CEP112: variants seen among roughly 807,000 people sequenced by gnomAD.
CEP112 encodes the protein centrosomal protein of 112 kDa.
CEP112 carries 127 observed loss-of-function variants against 153.0 expected under a neutral mutation model. That is an observed-to-expected ratio of 0.83 (90% CI 0.72 to 0.96). The LOEUF (loss-of-function observed/expected upper bound fraction) is 0.96. Among genes scored for constraint, CEP112 ranks in the 40% least tolerant of loss-of-function variants. The probability of loss-of-function intolerance (pLI) is 0.00; values close to 1 mark genes in which losing one functional copy is unlikely to be tolerated. For missense variants in CEP112, 1,089 were observed against 1,101.2 expected, an observed-to-expected ratio of 0.99 and a Z score of 0.16; for synonymous variants, 358 against 374.4, an observed-to-expected ratio of 0.96 and a Z score of 0.51.
chr17:66,140,213 C>T (rs117824764), intron 4 of CEP112, among the ~76,000 whole-genome samples: 1,951 of 151,960 alleles, frequency 0.013, 22 homozygotes, highest in Admixed American at 0.019. Context: ...AAGAGCATGA[C>T]GAAATTCAAT....
chr17:66,145,923 ATT>A (rs2070897704), intron 4 of CEP112, among the ~76,000 whole-genome samples: 1 of 152,036 alleles, frequency 6.6e-6, no homozygotes, highest in African/African-American at 2.4e-5. Context: ...ATTACATTAT[ATT>A]TCTAAAACTA....
intron 11 of CEP112, among the ~76,000 whole-genome samples, chr17:66,059,850 T>C (rs2066852454): frequency 6.6e-6 from 1 of 152,206 alleles, no homozygotes; most frequent in Admixed American, 6.5e-5. Flanking sequence ...TGCGCTTGTA[T>C]GTTCATTGCC....
chr17:65,636,704 C>T, intron 26 of CEP112: 1 of 165,000 alleles, frequency 6.1e-6, no homozygotes, highest in Non-Finnish European at 1.3e-5. Context: ...CTCCACCTCC[C>T]AGGTTCAAGC....
At chr17:66,057,938 C>T (rs373878917) in intron 11 of CEP112, among the ~76,000 whole-genome samples, 1 of 151,854 alleles carries the variant, frequency 6.6e-6, no homozygotes, top group Admixed American at 6.6e-5. Flanking sequence ...ACAAAAACTA[C>T]AAAAATTAGC....
chr17:66,153,468 C>CAAA (rs11303537), intron 4 of CEP112, among the ~76,000 whole-genome samples: 198 of 123,640 alleles, frequency 1.6e-3, no homozygotes, highest in Non-Finnish European at 2.7e-3. Context: ...TAGAAAAGGC[C>CAAA]AAAAAAAAAA....
intron 21 of CEP112, among the ~76,000 whole-genome samples, chr17:65,843,535 T>C (rs971285080): frequency 2.6e-5 from 4 of 152,194 alleles, no homozygotes; most frequent in Non-Finnish European, 2.9e-5. Flanking sequence ...CTTCATAAGT[T>C]AATATTAATC....
chr17:66,033,774 T>A lies in CEP112; in HGVS notation c.1219-3751A>T, dbSNP rs543622357. ...TTGTTGTTTGTTTTCCACAATAAAG[T>A]ATAAGCTTAAGACAGCCAAGACATT... On this transcript the variant is annotated intron_variant, in intron 12 of 26. Transcript: ENST00000535342. Among the ~76,000 whole-genome samples the A allele has an allele frequency of 2.0e-5, 3 of 152,332 alleles. No individual in the cohort carries two copies. In the South Asian group the frequency reaches 6.2e-4, roughly 32 times the overall value.
chr17:65,940,150 C>A (rs1169594959), intron 18 of CEP112, among the ~76,000 whole-genome samples: 4 of 152,120 alleles, frequency 2.6e-5, no homozygotes, highest in African/African-American at 9.7e-5. Flanking sequence ...CTCAACATCA[C>A]TAATTAGGGA....
chr17:65,966,888 A>G (rs879586854), intron 17 of CEP112, among the ~76,000 whole-genome samples: 2 of 152,196 alleles, frequency 1.3e-5, no homozygotes, highest in Non-Finnish European at 2.9e-5. Flanking sequence ...TATTGAATAT[A>G]TGGTAATACT....
At chr17:65,931,345 T>C (rs899570794) in intron 18 of CEP112, among the ~76,000 whole-genome samples, 10 of 152,096 alleles carry the variant, frequency 6.6e-5, no homozygotes, top group Admixed American at 2.6e-4. Context: ...ATTACAAAAA[T>C]AATAGAAATG....
intron 19 of CEP112, among the ~76,000 whole-genome samples, chr17:65,907,061 A>C (rs1598964445): frequency 1.3e-5 from 2 of 152,238 alleles, no homozygotes; most frequent in East Asian, 3.9e-4. Context: ...AATATTTTAC[A>C]ATATTCTAGA....
In CEP112 at chr17:65,670,253, A is replaced by G. The variant is rs192699845; in HGVS notation, c.2697+18876T>C. On this transcript the variant is annotated intron_variant, in intron 24 of 26. Transcript: ENST00000535342. Reference sequence around the variant, plus strand: ...GTCATTTTCAAAATACCCTCTAATTATACCCTAATAGTTATATAGGTATCA... The same window carrying G: ...GTCATTTTCAAAATACCCTCTAATTGTACCCTAATAGTTATATAGGTATCA... Among the ~76,000 whole-genome samples, 944 of 151,534 alleles carry G rather than the reference A, an allele frequency of 6.2e-3. 10 individuals are homozygous for G. Among genetic ancestry groups the G allele is most frequent in the African/African-American group, 0.022 (891 of 41,338 alleles).
chr17:65,689,948 C>T (rs992349206), intron 23 of CEP112, among the ~76,000 whole-genome samples: 1 of 151,874 alleles, frequency 6.6e-6, no homozygotes, highest in African/African-American at 2.4e-5. Flanking sequence ...AATGTAATTA[C>T]AGAAATACTA....
At chr17:65,832,899 AC>A (rs2146134169) in intron 21 of CEP112, among the ~76,000 whole-genome samples, 1 of 152,070 alleles carries the variant, frequency 6.6e-6, no homozygotes, top group Admixed American at 6.6e-5. Context: ...AGACAAAACA[AC>A]AAAAAAAGAA....
At chr17:66,109,957 G>A (rs966224498) in intron 6 of CEP112, among the ~76,000 whole-genome samples, 3 of 152,078 alleles carry the variant, frequency 2.0e-5, no homozygotes, top group Admixed American at 6.5e-5. Context: ...TCAGGAGATC[G>A]TGACCATCCT....
intron 18 of CEP112, among the ~76,000 whole-genome samples, chr17:65,940,123 G>A (rs995174597): frequency 7.9e-5 from 12 of 152,240 alleles, no homozygotes; most frequent in Non-Finnish European, 1.3e-4. Flanking sequence ...TGCCCCACAA[G>A]CTGATGGAAC....
At chr17:66,118,562 A>G (rs1465994281) in intron 6 of CEP112, among the ~76,000 whole-genome samples, 1 of 152,130 alleles carries the variant, frequency 6.6e-6, no homozygotes, top group Non-Finnish European at 1.5e-5. Flanking sequence ...AGAGGCTGGG[A>G]GGGGTAGTGG....
At chr17:66,029,680 G>T (rs943818241) in intron 13 of CEP112, among the ~76,000 whole-genome samples, 189 bp downstream of exon 13, 14 of 151,978 alleles carry the variant, frequency 9.2e-5, no homozygotes, top group Non-Finnish European at 1.9e-4. Context: ...CCCAGTCTGG[G>T]TGACAGACAG....
chr17:65,962,991 C>T (rs1002531044), intron 17 of CEP112, among the ~76,000 whole-genome samples: 1 of 152,138 alleles, frequency 6.6e-6, no homozygotes, highest in African/African-American at 2.4e-5. Context: ...CACAGTAAAC[C>T]AGTATAAGAG....
Sources: allele counts gnomAD v4.1 joint callset (sites outside exome capture counted in the v4.1 genomes callset), GRCh38; gene constraint gnomAD v4.1.1; transcripts MANE v1.5; gene names NCBI Gene and HGNC (gene_info 2026-07-23, HGNC 2026-07-21).